Variants in GALNT13 observed in about 807,000 individuals in gnomAD.
GALNT13 encodes UDP-GalNAc:polypeptide N-acetylgalactosaminyltransferase 13.
In GALNT13, 28 loss-of-function variants were observed where a neutral mutation model predicts 64.2. The ratio of observed to expected loss-of-function variants is 0.44; its 90% CI spans 0.32 to 0.60. GALNT13 has a LOEUF of 0.60. GALNT13 is among the 20% of genes least tolerant of loss of function. The pLI is 0.05. For synonymous variants in GALNT13, 214 were observed against 224.6 expected (o/e 0.95, Z 0.42); for missense variants, 577 against 669.8 (o/e 0.86, Z 1.53).
At chr2:154,054,794 A>G (rs928583300) in intron 3 of GALNT13, among the ~76,000 whole-genome samples, 1 of 152,004 alleles carries the variant, frequency 6.6e-6, no homozygotes, top group Non-Finnish European at 1.5e-5. Context: ...TAACAAAATT[A>G]TTGTTATAAG....
chr2:153,708,629 C>T, the GALNT13 span, among the ~76,000 whole-genome samples: 1 of 152,008 alleles, frequency 6.6e-6, no homozygotes, highest in Non-Finnish European at 1.5e-5. Context: ...ATTTTGAAGA[C>T]CCAAAGAGAT....
At chr2:153,812,880 A>T in the GALNT13 span, among the ~76,000 whole-genome samples, 2 of 152,200 alleles carry the variant, frequency 1.3e-5, no homozygotes, top group Non-Finnish European at 2.9e-5. Flanking sequence ...TGTTGACTGT[A>T]AAAGATCCTC....
chr2:153,415,675 A>G, the GALNT13 span, among the ~76,000 whole-genome samples: 8 of 152,240 alleles, frequency 5.3e-5, no homozygotes, highest in Non-Finnish European at 5.9e-5. Context: ...CAAGAAGTGA[A>G]ATAATATAGA....
At chr2:153,345,635 T>TTCTCTTTC in the GALNT13 span, among the ~76,000 whole-genome samples, 1 of 68,806 alleles carries the variant, frequency 1.5e-5, no homozygotes, top group Non-Finnish European at 3.0e-5. Context: ...TTTCCTTTCT[T>TTCTCTTTC]TTTCTTTCTT....
intron 8 of GALNT13, chr2:154,287,400 C>G (rs1450883411): frequency 2.1e-6 from 1 of 475,384 alleles, no homozygotes; most frequent in Non-Finnish European, 4.0e-6. Flanking sequence ...GTGGGGCAGT[C>G]CATGCTCCTC....
the GALNT13 span, among the ~76,000 whole-genome samples, chr2:153,656,402 A>C: frequency 6.6e-6 from 1 of 151,844 alleles, no homozygotes; most frequent in African/African-American, 2.4e-5. Flanking sequence ...AAAGTATTCC[A>C]ACTGTGATCA....
chr2:153,719,550 T>A, the GALNT13 span, among the ~76,000 whole-genome samples: 1 of 151,590 alleles, frequency 6.6e-6, no homozygotes, highest in Admixed American at 6.6e-5. Context: ...TCTGAGGTAC[T>A]GGGTTCATCT....
intron 10 of GALNT13, among the ~76,000 whole-genome samples, chr2:154,406,864 A>G (rs535682278): frequency 1.2e-4 from 18 of 152,284 alleles, no homozygotes; most frequent in African/African-American, 4.1e-4. Context: ...TCCTGATACT[A>G]CTACTCAATT....
the GALNT13 span, among the ~76,000 whole-genome samples, chr2:153,261,695 G>T: frequency 1.3e-5 from 2 of 152,078 alleles, no homozygotes; most frequent in South Asian, 2.1e-4. Flanking sequence ...TACTACCTAT[G>T]TTCACTCAAG....
the GALNT13 span, among the ~76,000 whole-genome samples, chr2:153,203,207 ATGT>A: frequency 1.3e-5 from 2 of 152,322 alleles, no homozygotes; most frequent in East Asian, 3.9e-4. Flanking sequence ...GAAACTGTTC[ATGT>A]TGTTTTCACT....
At chr2:154,014,066 T>C (rs1696829424) in intron 3 of GALNT13, among the ~76,000 whole-genome samples, 1 of 152,248 alleles carries the variant, frequency 6.6e-6, no homozygotes, top group Non-Finnish European at 1.5e-5. Flanking sequence ...GCTGCTCAGA[T>C]AGAAATGGCT....
the GALNT13 span, among the ~76,000 whole-genome samples, chr2:153,328,646 G>A: frequency 1.3e-5 from 2 of 152,094 alleles, no homozygotes; most frequent in Non-Finnish European, 2.9e-5. Context: ...AATGGTGGAC[G>A]CCCCTCCCCA....
In GALNT13 at chr2:153,875,812, C is replaced by T. The variant is rs185462274; in HGVS notation, c.-177+3509C>T. ...ATATCTCTGTTAGGTGTTCATTGTC[C>T]TTTTAAAAATGGACACTTCATATAG... On this transcript the variant is annotated intron_variant, in intron 1 of 12. Coordinates refer to ENST00000392825, the MANE Select transcript of GALNT13 (RefSeq NM_052917.4). 2.5e-3 allele frequency among the ~76,000 whole-genome samples: 383 copies of T among 152,216 alleles called. 1 individual carries two copies. Among genetic ancestry groups the T allele is most frequent in the Non-Finnish European group, 4.2e-3 (287 of 67,988 alleles).
intron 3 of GALNT13, among the ~76,000 whole-genome samples, chr2:154,115,120 C>G (rs983795569): frequency 6.6e-6 from 1 of 152,186 alleles, no homozygotes; most frequent in South Asian, 2.1e-4. Flanking sequence ...ATGAGTATGT[C>G]TAAAGTGACT....
At chr2:154,418,944 T>G (rs1222614079) in intron 11 of GALNT13, among the ~76,000 whole-genome samples, 3 of 152,176 alleles carry the variant, frequency 2.0e-5, no homozygotes, top group African/African-American at 7.2e-5. Context: ...GAATTTTTGT[T>G]TTTAGAGATT....
intron 9 of GALNT13, among the ~76,000 whole-genome samples, chr2:154,382,058 C>G (rs1312702275): frequency 6.6e-6 from 1 of 151,938 alleles, no homozygotes; most frequent in Non-Finnish European, 1.5e-5. Flanking sequence ...TTTTCCTTTC[C>G]CCTAGACAAA....
intron 4 of GALNT13, among the ~76,000 whole-genome samples, chr2:154,167,730 C>A (rs1685113297): frequency 6.6e-6 from 1 of 152,092 alleles, no homozygotes; most frequent in Non-Finnish European, 1.5e-5. Context: ...ATAAGTAGAG[C>A]AACCACATGG....
the GALNT13 span, among the ~76,000 whole-genome samples, chr2:153,068,937 T>C: frequency 5.3e-5 from 8 of 152,226 alleles, no homozygotes; most frequent in African/African-American, 1.9e-4. Context: ...CTTAGATATC[T>C]GAGTCAATGC....
At chr2:154,345,458 C>G (rs947583716) in intron 9 of GALNT13, among the ~76,000 whole-genome samples, 3 of 151,994 alleles carry the variant, frequency 2.0e-5, no homozygotes, top group Non-Finnish European at 4.4e-5. Flanking sequence ...TTGCACTGTT[C>G]ACTATAGTAG....
Sources: allele counts gnomAD v4.1 joint callset (sites outside exome capture counted in the v4.1 genomes callset), GRCh38; gene constraint gnomAD v4.1.1; transcripts MANE v1.5; gene names NCBI Gene and HGNC (gene_info 2026-07-23, HGNC 2026-07-21).